DNAH14: variants seen among roughly 807,000 people sequenced by gnomAD.
DNAH14 encodes dynein axonemal heavy chain 14, also known as axonemal beta dynein heavy chain 14.
A neutral mutation model predicts 520.9 loss-of-function variants in DNAH14; 478 were observed. That is an observed-to-expected ratio of 0.92 (90% CI 0.85 to 0.99). The LOEUF is 0.99. Among genes scored for constraint, DNAH14 ranks in the 50% least tolerant of loss-of-function variants. DNAH14 has a pLI of 0.00. For missense variants in DNAH14, 4,831 were observed against 5,234.5 expected (o/e 0.92, Z 2.38); for synonymous variants, 1,581 against 1,757.2 (o/e 0.90, Z 2.51).
chr1:225,334,171 G>A (rs1364607185), intron 66 of DNAH14, among the ~76,000 whole-genome samples: 2 of 152,156 alleles, frequency 1.3e-5, no homozygotes, highest in Non-Finnish European at 2.9e-5. Context: ...AGGGGCAGTG[G>A]CTCATGCCTG....
chr1:225,120,495 A>G (rs1458505617), intron 26 of DNAH14, among the ~76,000 whole-genome samples: 1 of 152,260 alleles, frequency 6.6e-6, no homozygotes, highest in Non-Finnish European at 1.5e-5. Context: ...GTCCCCAGGC[A>G]AGACAGGAGT....
intron 8 of DNAH14, among the ~76,000 whole-genome samples, chr1:224,985,488 G>C (rs1399607798): frequency 2.6e-5 from 4 of 151,926 alleles, no homozygotes; most frequent in African/African-American, 9.7e-5. Flanking sequence ...GGGGGTGAGG[G>C]GTAAAAGACA....
chr1:225,397,298 C>G (rs1402827680), intron 84 of DNAH14: 2 of 152,428 alleles, frequency 1.3e-5, no homozygotes, highest in African/African-American at 4.8e-5. Flanking sequence ...ATAGAATAAG[C>G]CAAAATAGGA....
At chr1:225,063,886 G>A (rs1179274199) in intron 17 of DNAH14, among the ~76,000 whole-genome samples, 1 of 114,914 alleles carries the variant, frequency 8.7e-6, no homozygotes, top group Non-Finnish European at 2.0e-5. Context: ...TGTAAATGCA[G>A]CAAGACCTCC....
chr1:225,224,153 G>A (rs2090316599), intron 41 of DNAH14, among the ~76,000 whole-genome samples: 1 of 151,958 alleles, frequency 6.6e-6, no homozygotes, highest in Admixed American at 6.6e-5. Context: ...CCCACCTTGG[G>A]CATAACTACT....
At chr1:224,938,634 G>A (rs1310492791) in intron 1 of DNAH14, among the ~76,000 whole-genome samples, 4 of 152,112 alleles carry the variant, frequency 2.6e-5, no homozygotes, top group African/African-American at 7.2e-5. Flanking sequence ...CAATATGGAG[G>A]TTCCTCAAAA....
chr1:225,399,199 C>T lies in DNAH14; in HGVS notation c.13784C>T (p.Ser4595Leu), dbSNP rs114514795. ...AACTTTTTAACATCAGTGTATTTAT[C>T]AACGAAGAAACCTCCTAGTCACTGG... Reference protein sequence around the residue: ...PTNFLTSVYLSTKKPPSHWIT... With the variant: ...PTNFLTSVYLLTKKPPSHWIT... Residue 4595 changes from serine to leucine, a missense_variant, in exon 86 of 86, where the codon TCA (serine) becomes TTA (leucine). Ser to Leu is a moderately radical substitution (Grantham distance 145). Transcript: ENST00000682510. 2.6e-6 allele frequency: 4 copies of T among 1,551,682 alleles called. No homozygotes were observed.
At chr1:225,237,352 T>C (rs1160654323) in intron 42 of DNAH14, among the ~76,000 whole-genome samples, 1 of 152,154 alleles carries the variant, frequency 6.6e-6, no homozygotes, top group Non-Finnish European at 1.5e-5. Context: ...CTGAAAAAGA[T>C]ATTATTTCTC....
At chr1:225,104,579 T>C (rs1010713518) in intron 23 of DNAH14, among the ~76,000 whole-genome samples, 1 of 152,194 alleles carries the variant, frequency 6.6e-6, no homozygotes, top group African/African-American at 2.4e-5. Flanking sequence ...TATTGGTCTA[T>C]TCAGAGATTC....
chr1:225,094,339 C>A (rs1256267904), intron 21 of DNAH14, among the ~76,000 whole-genome samples: 1 of 152,112 alleles, frequency 6.6e-6, no homozygotes, highest in Non-Finnish European at 1.5e-5. Flanking sequence ...CTACGACCAT[C>A]TGATCTTTGA....
chr1:225,371,734 G>C (rs2095621048), intron 77 of DNAH14, among the ~76,000 whole-genome samples: 1 of 152,064 alleles, frequency 6.6e-6, no homozygotes, highest in Non-Finnish European at 1.5e-5. Flanking sequence ...AAAATGTAAA[G>C]ATGTAAAGAG....
At chr1:225,210,090 G>C (rs977897672) in intron 41 of DNAH14, among the ~76,000 whole-genome samples, 1 of 151,758 alleles carries the variant, frequency 6.6e-6, no homozygotes, top group Non-Finnish European at 1.5e-5. Context: ...GGCAGACACC[G>C]AGCTAGCTGC....
At chr1:225,334,893 T>TGC (rs2094882381) in intron 66 of DNAH14, among the ~76,000 whole-genome samples, 1 of 102,376 alleles carries the variant, frequency 9.8e-6, no homozygotes, top group African/African-American at 4.9e-5. Flanking sequence ...TATGTGTGTG[T>TGC]GTGTGTGTGT....
chr1:225,324,877 A>G, intron 64 of DNAH14, 45 bp downstream of exon 64: 2 of 1,419,300 alleles, frequency 1.4e-6, no homozygotes, highest in South Asian at 1.3e-5. Flanking sequence ...AAACACCAGG[A>G]CAATGTAATT....
intron 17 of DNAH14, among the ~76,000 whole-genome samples, chr1:225,059,151 G>A (rs1358298218): frequency 6.6e-6 from 1 of 152,126 alleles, no homozygotes; most frequent in East Asian, 1.9e-4. Context: ...TTATTATTGT[G>A]TGGGAGTCTA....
intron 17 of DNAH14, among the ~76,000 whole-genome samples, chr1:225,065,256 T>C (rs2070725731): frequency 6.6e-6 from 1 of 151,934 alleles, no homozygotes; most frequent in South Asian, 2.1e-4. Context: ...TGTATATATT[T>C]ATAGGGTACA....
intron 8 of DNAH14, among the ~76,000 whole-genome samples, chr1:224,999,546 T>C (rs150608453): frequency 1.5e-3 from 227 of 152,316 alleles, no homozygotes; most frequent in African/African-American, 5.2e-3. Context: ...TCTCTGTCTT[T>C]TAATTGCCAT....
chr1:224,988,854 A>T (rs980157991), intron 8 of DNAH14, among the ~76,000 whole-genome samples: 6 of 152,156 alleles, frequency 3.9e-5, no homozygotes, highest in Non-Finnish European at 8.8e-5. Flanking sequence ...ACTGTGTTTC[A>T]CAGGCTCATC....
At chr1:225,143,667 T>C (rs1375939551) in intron 28 of DNAH14, among the ~76,000 whole-genome samples, 1 of 152,178 alleles carries the variant, frequency 6.6e-6, no homozygotes, top group Non-Finnish European at 1.5e-5. Context: ...AAAACAGCAC[T>C]AAACAATTAA....
Sources: gnomAD v4.1 joint callset for allele counts (sites outside exome capture counted in the v4.1 genomes callset) on GRCh38, gnomAD v4.1.1 for gene constraint, MANE v1.5 for transcripts, NCBI Gene and HGNC (gene_info 2026-07-23, HGNC 2026-07-21) for gene names.